The following CHL1 variants were observed in gnomAD, a reference collection of about 807,000 sequenced individuals.
The protein encoded by CHL1 is neural cell adhesion molecule L1-like protein.
In CHL1, 96 loss-of-function variants were observed where a neutral mutation model predicts 141.9. The observed-to-expected ratio is 0.68, with a 90% CI of 0.57 to 0.80. The LOEUF is 0.80. Among genes scored for constraint, CHL1 ranks in the 30% least tolerant of loss-of-function variants. The pLI is 0.00. For missense variants in CHL1, 1,820 were observed against 1,457.2 expected (o/e 1.25, Z -4.05); for synonymous variants, 613 against 502.2 (o/e 1.22, Z -2.95).
At chr3:230,467 C>T (rs567487582) in intron 1 of CHL1, among the ~76,000 whole-genome samples, 3 of 152,078 alleles carry the variant, frequency 2.0e-5, no homozygotes, top group African/African-American at 7.2e-5. Context: ...GTGTTTTGTG[C>T]CTTTTTTAAA....
At chr3:305,770 G>A (rs1345955499) in intron 2 of CHL1, among the ~76,000 whole-genome samples, 1 of 151,662 alleles carries the variant, frequency 6.6e-6, no homozygotes, top group Non-Finnish European at 1.5e-5. Flanking sequence ...GCAGGGATGG[G>A]GAGAAGAGGG....
intron 2 of CHL1, among the ~76,000 whole-genome samples, chr3:284,163 T>A (rs763753958): frequency 2.6e-5 from 4 of 152,128 alleles, no homozygotes; most frequent in Non-Finnish European, 5.9e-5. Flanking sequence ...ACAAAAGATA[T>A]TACTAATAAG....
At chr3:212,385 C>G (rs1017710455) in intron 1 of CHL1, among the ~76,000 whole-genome samples, 4 of 152,174 alleles carry the variant, frequency 2.6e-5, no homozygotes, top group African/African-American at 9.7e-5. Flanking sequence ...TGCTTTTACA[C>G]TACCATAAAG....
chr3:382,263 A>G lies in CHL1; in HGVS notation c.1961A>G (p.His654Arg). 6.2e-7 allele frequency: 1 copy of G among 1,613,648 alleles called. No homozygotes were observed. Among genetic ancestry groups the G allele is most frequent in the Non-Finnish European group, 8.5e-7 (1 of 1,179,632 alleles). Residue 654 changes from histidine (H) to arginine (R), a missense_variant, in exon 17 of 28, where the codon CAC becomes CGC. Coordinates refer to ENST00000256509, the MANE Select transcript of CHL1 (RefSeq NM_006614.4). ...VRLTWEAGAD[H>R]NSNISEYIVE... ...CTGACCTGGGAAGCTGGAGCTGACC[A>G]CAACAGCAATATTAGCGGTAGGAAG...
chr3:230,842 C>T (rs1396401985), intron 1 of CHL1, among the ~76,000 whole-genome samples: 1 of 152,020 alleles, frequency 6.6e-6, no homozygotes, highest in African/African-American at 2.4e-5. Context: ...TCTCTTTTTT[C>T]AGTTCCACTT....
At chr3:270,887 G>A (rs997845470) in intron 2 of CHL1, among the ~76,000 whole-genome samples, 2 of 152,208 alleles carry the variant, frequency 1.3e-5, no homozygotes, top group Admixed American at 6.5e-5. Flanking sequence ...CTCCATCACA[G>A]CAGTCTCAGG....
At chr3:221,378 T>C (rs1244393542) in intron 1 of CHL1, among the ~76,000 whole-genome samples, 1 of 152,216 alleles carries the variant, frequency 6.6e-6, no homozygotes. Flanking sequence ...GAGCCCTCAG[T>C]TGTTCAAGTA....
At chr3:263,830 G>A (rs1694938164) in intron 2 of CHL1, among the ~76,000 whole-genome samples, 1 of 152,104 alleles carries the variant, frequency 6.6e-6, no homozygotes, top group South Asian at 2.1e-4. Context: ...ACATATTTTT[G>A]CACTGTTCTT....
At chr3:363,193 G>C in intron 13 of CHL1, 24 bp from the exon 14 acceptor site, 3 of 1,598,508 alleles carry the variant, frequency 1.9e-6, no homozygotes, top group Non-Finnish European at 2.6e-6. Context: ...ACCTCAGATG[G>C]ATGTACGCTT....
intron 2 of CHL1, among the ~76,000 whole-genome samples, chr3:312,195 TGACA>T (rs1367534342): frequency 6.6e-6 from 1 of 152,192 alleles, no homozygotes; most frequent in Admixed American, 6.5e-5. Flanking sequence ...TAACTAAAGC[TGACA>T]TTTTCCCAAT....
intron 15 of CHL1, among the ~76,000 whole-genome samples, 198 bp downstream of exon 15, chr3:366,313 A>T (rs891632436): frequency 6.6e-6 from 1 of 152,042 alleles, no homozygotes; most frequent in African/African-American, 2.4e-5. Context: ...TCCACTAAAA[A>T]TACAAAAATT....
At chr3:222,509 G>A (rs12497697) in intron 1 of CHL1, among the ~76,000 whole-genome samples, 29,943 of 152,170 alleles carry the variant, frequency 0.2, 3,446 homozygotes, top group Middle Eastern at 0.4. Context: ...TCAGAAGAGC[G>A]GGGGTAGATG....
chr3:268,155 T>C (rs331870), intron 2 of CHL1, among the ~76,000 whole-genome samples: 1,845 of 152,340 alleles, frequency 0.012, 44 homozygotes, highest in African/African-American at 0.043. Context: ...AACTCTGTAG[T>C]ATATTTACAT....
chr3:379,919 C>A (rs1181280466), intron 16 of CHL1, among the ~76,000 whole-genome samples: 1 of 152,060 alleles, frequency 6.6e-6, no homozygotes, highest in African/African-American at 2.4e-5. Context: ...GTTTTACCCC[C>A]TGGAAAACAA....
chr3:373,091 G>A (rs750608714), intron 15 of CHL1, among the ~76,000 whole-genome samples: 2 of 152,188 alleles, frequency 1.3e-5, no homozygotes, highest in Non-Finnish European at 2.9e-5. Flanking sequence ...TGGGTGGCAC[G>A]GGGAATAGGA....
intron 2 of CHL1, among the ~76,000 whole-genome samples, chr3:283,356 A>G (rs1011081907): frequency 6.6e-6 from 1 of 152,232 alleles, no homozygotes; most frequent in Admixed American, 6.5e-5. Context: ...GATAATACCA[A>G]GAGTATAAGT....
chr3:276,110 T>G (rs1311733499), intron 2 of CHL1, among the ~76,000 whole-genome samples: 1 of 151,932 alleles, frequency 6.6e-6, no homozygotes. Context: ...AAAATTAAGA[T>G]AAATATTATA....
chr3:285,099 G>A (rs1452837743), intron 2 of CHL1, among the ~76,000 whole-genome samples: 3 of 152,250 alleles, frequency 2.0e-5, no homozygotes, highest in African/African-American at 4.8e-5. Context: ...ACATGCTTAC[G>A]CATGTTTTCA....
At chr3:303,623 A>G (rs924650179) in intron 2 of CHL1, among the ~76,000 whole-genome samples, 2 of 152,198 alleles carry the variant, frequency 1.3e-5, no homozygotes, top group African/African-American at 2.4e-5. Context: ...CAGCTTAAGG[A>G]GATTTTGGGC....
Sources: gnomAD v4.1 joint callset for allele counts (sites outside exome capture counted in the v4.1 genomes callset) on GRCh38, gnomAD v4.1.1 for gene constraint, MANE v1.5 for transcripts, NCBI Gene and HGNC (gene_info 2026-07-23, HGNC 2026-07-21) for gene names.